The following ZNF407 variants were observed in gnomAD, a reference collection of about 807,000 sequenced individuals.
ZNF407 encodes zinc finger protein 407.
A neutral mutation model predicts 131.2 loss-of-function variants in ZNF407; 17 were observed. The ratio of observed to expected loss-of-function variants is 0.13; its 90% confidence interval spans 0.09 to 0.19. ZNF407 has a LOEUF of 0.19. ZNF407 is among the 10% of genes least tolerant of loss of function. ZNF407 has a pLI of 1.00. For synonymous variants in ZNF407, 1,156 were observed against 1,062.0 expected (o/e 1.09, Z -1.72); for missense variants, 2,681 against 2,830.6 (o/e 0.95, Z 1.20).
chr18:74,971,136 G>T (rs112073295), intron 8 of ZNF407, among the ~76,000 whole-genome samples: 1 of 152,182 alleles, frequency 6.6e-6, no homozygotes, highest in African/African-American at 2.4e-5. Context: ...GCTGCACACA[G>T]CACAGGGACC....
At chr18:74,672,586 TTGTC>T (rs1414643419) in intron 3 of ZNF407, among the ~76,000 whole-genome samples, 16 of 146,980 alleles carry the variant, frequency 1.1e-4, no homozygotes, top group South Asian at 6.3e-4. Flanking sequence ...GGAGCACTGT[TTGTC>T]TGTTTGTTGG....
intron 3 of ZNF407, among the ~76,000 whole-genome samples, chr18:74,718,970 A>G (rs1967961794): frequency 6.6e-6 from 1 of 152,150 alleles, no homozygotes; most frequent in South Asian, 2.1e-4. Context: ...TCTTGTGGTT[A>G]CTGATTGCAT....
rs373976086 is a variant in ZNF407 at position 74,702,660 on chromosome 18, G to T, written c.4802+61538G>T. Among the ~76,000 whole-genome samples the T allele has an allele frequency of 3.9e-5, 6 of 151,978 alleles. No homozygotes were observed. The East Asian group carries it at 1.2e-3, about 29-fold the overall frequency. On this transcript the variant is annotated intron_variant, in intron 3 of 8. Transcript: ENST00000299687. ...ATGAGTTTTATATATTGGTTAAATG[G>T]TTTATCAATCAGAAGCAGCATAGCA...
chr18:74,676,455 G>A (rs894034930), intron 3 of ZNF407, among the ~76,000 whole-genome samples: 1 of 76,856 alleles, frequency 1.3e-5, no homozygotes, highest in East Asian at 3.5e-4. Flanking sequence ...TTTTTTTTTT[G>A]AGACGGAGTC....
chr18:74,793,673 C>A (rs1969866652), intron 4 of ZNF407, among the ~76,000 whole-genome samples: 1 of 152,126 alleles, frequency 6.6e-6, no homozygotes, highest in Non-Finnish European at 1.5e-5. Flanking sequence ...ATAACTTGAG[C>A]AGCTATTCAA....
intron 4 of ZNF407, among the ~76,000 whole-genome samples, chr18:74,862,709 A>G (rs903602476): frequency 2.6e-5 from 4 of 152,206 alleles, no homozygotes; most frequent in African/African-American, 9.6e-5. Context: ...AGAATCATAC[A>G]TCCTAAAATT....
At chr18:74,771,033 T>C (rs978414937) in intron 3 of ZNF407, among the ~76,000 whole-genome samples, 11 of 152,086 alleles carry the variant, frequency 7.2e-5, no homozygotes, top group Admixed American at 7.2e-4. Context: ...TTCAGATATT[T>C]TAAATTTTAG....
chr18:74,636,312 G>T (rs1400725819), intron 2 of ZNF407, among the ~76,000 whole-genome samples: 2 of 151,920 alleles, frequency 1.3e-5, no homozygotes, highest in African/African-American at 2.4e-5. Flanking sequence ...CCATTTTAAT[G>T]TTTAATTTTA....
chr18:74,734,709 G>GTGTT (rs1475922152), intron 3 of ZNF407, among the ~76,000 whole-genome samples: 4 of 115,976 alleles, frequency 3.4e-5, no homozygotes, highest in Non-Finnish European at 6.7e-5. Flanking sequence ...GTGTGTGTGT[G>GTGTT]TTTTTGAGAG....
chr18:74,756,947 C>A (rs1968978432), intron 3 of ZNF407, among the ~76,000 whole-genome samples: 1 of 151,886 alleles, frequency 6.6e-6, no homozygotes, highest in South Asian at 2.1e-4. Flanking sequence ...TAATATTCAC[C>A]CTTTTCATTC....
At chr18:74,881,590 T>G (rs1012866996) in intron 6 of ZNF407, among the ~76,000 whole-genome samples, 44 of 152,158 alleles carry the variant, frequency 2.9e-4, no homozygotes, top group African/African-American at 1.0e-3. Context: ...TACCTCCCTG[T>G]CTCCCTCCCC....
intron 3 of ZNF407, among the ~76,000 whole-genome samples, chr18:74,715,988 G>A (rs2061350): frequency 0.77 from 117,800 of 152,128 alleles, 45,921 homozygotes; most frequent in East Asian, 0.89. Context: ...TTTCCCATCC[G>A]TAAGAAGCCA....
intron 3 of ZNF407, among the ~76,000 whole-genome samples, chr18:74,655,909 T>C (rs1985434687): frequency 6.6e-6 from 1 of 152,168 alleles, no homozygotes; most frequent in Non-Finnish European, 1.5e-5. Flanking sequence ...ACTGCCAATT[T>C]ATATGGCTGG....
At position 75,041,732 on chromosome 18, in the gene ZNF407, C is replaced by G. The variant is rs549693016; in HGVS notation, c.5429-21418C>G. ...GAAACTAAGGAACAGTGTTGATTGA[C>G]CACAATTACAGCCACCTAGTGGACG... is the stretch of plus-strand genomic sequence containing the variant. On this transcript the variant is annotated intron_variant, in intron 8 of 8. Coordinates refer to ENST00000299687, the MANE Select transcript of ZNF407 (RefSeq NM_017757.3). Among the ~76,000 whole-genome samples the G allele has an allele frequency of 3.9e-5, 6 of 152,216 alleles. No individual in the cohort carries two copies. In the South Asian group the frequency reaches 8.3e-4, roughly 21 times the overall value.
chr18:75,002,538 G>C (rs551940605), intron 8 of ZNF407, among the ~76,000 whole-genome samples: 70 of 152,258 alleles, frequency 4.6e-4, no homozygotes, highest in African/African-American at 1.1e-3. Flanking sequence ...CGCGGTGGCT[G>C]ACGCCTGTAA....
chr18:74,795,334 CATTT>C (rs1225530304), intron 4 of ZNF407, among the ~76,000 whole-genome samples: 1 of 152,146 alleles, frequency 6.6e-6, no homozygotes, highest in Non-Finnish European at 1.5e-5. Flanking sequence ...AGCATCTGGA[CATTT>C]ATTTGTCATT....
chr18:74,640,870 A>G, intron 2 of ZNF407, 138 bp from the exon 3 acceptor site: 1 of 638,222 alleles, frequency 1.6e-6, no homozygotes, highest in South Asian at 1.9e-5. Context: ...CAAGTTATAA[A>G]TGAATGCAAG....
intron 4 of ZNF407, among the ~76,000 whole-genome samples, chr18:74,817,612 C>G (rs1391396682): frequency 2.0e-5 from 3 of 152,096 alleles, no homozygotes; most frequent in Admixed American, 2.0e-4. Context: ...AAATTAGTCT[C>G]AAAATTACTA....
At chr18:74,704,202 CT>C (rs1340675440) in intron 3 of ZNF407, among the ~76,000 whole-genome samples, 1 of 152,214 alleles carries the variant, frequency 6.6e-6, no homozygotes, top group Non-Finnish European at 1.5e-5. Context: ...CTCCCTAAAT[CT>C]TCTGGTAAAC....
Sources: allele counts gnomAD v4.1 joint callset (sites outside exome capture counted in the v4.1 genomes callset), GRCh38; gene constraint gnomAD v4.1.1; transcripts MANE v1.5; gene names NCBI Gene and HGNC (gene_info 2026-07-23, HGNC 2026-07-21).